GRIA1: variants seen among roughly 807,000 people sequenced by gnomAD.
GRIA1 encodes the protein glutamate receptor 1.
A neutral mutation model predicts 99.2 loss-of-function variants in GRIA1; 31 were observed. That is an observed-to-expected ratio of 0.31 (90% confidence interval 0.23 to 0.42). GRIA1 has a LOEUF of 0.42. Ranked by LOEUF, GRIA1 falls within the 10% of genes least tolerant of loss-of-function variation. GRIA1 has a pLI of 1.00. For synonymous variants in GRIA1, 438 were observed against 432.4 expected, an observed-to-expected ratio of 1.01 and a Z score of -0.16; for missense variants, 782 against 1,157.5, an observed-to-expected ratio of 0.68 and a Z score of 4.71.
intron 2 of GRIA1, among the ~76,000 whole-genome samples, chr5:153,534,344 AG>A (rs1014920311): frequency 8.5e-5 from 13 of 152,152 alleles, no homozygotes; most frequent in African/African-American, 3.1e-4. Context: ...CCCTCTGGGG[AG>A]AAGGAACTGT....
intron 11 of GRIA1, among the ~76,000 whole-genome samples, chr5:153,719,904 A>G (rs1759935247): frequency 6.6e-6 from 1 of 152,212 alleles, no homozygotes; most frequent in Middle Eastern, 3.2e-3. Flanking sequence ...TGGTGCTGAC[A>G]TGTAATAAGT....
intron 13 of GRIA1, among the ~76,000 whole-genome samples, chr5:153,787,373 G>A (rs1390301253): frequency 6.6e-6 from 1 of 152,024 alleles, no homozygotes; most frequent in Non-Finnish European, 1.5e-5. Flanking sequence ...GCCCTCTTGG[G>A]GACTAAATGC....
rs748389572 is a variant in GRIA1 at position 153,494,025 on chromosome 5, T to C, written c.180T>C (p.Asp60=). Residue 60 remains aspartate, a synonymous_variant, in exon 2 of 16, where the codon GAT becomes GAC. Coordinates refer to ENST00000285900, the MANE Select transcript of GRIA1 (RefSeq NM_000827.4). The part of the protein sequence containing the change: ...TEPPKLLPQI[D]IVNISDSFEM... ...CCCCGAAGCTGCTCCCCCAGATTGA[T>C]ATTGTGAACATCAGCGACAGCTTTG... 25 of 1,614,088 alleles carry C rather than the reference T, an allele frequency of 1.5e-5. No individual in the cohort carries two copies. The East Asian group carries it at 1.8e-4, about 12-fold the overall frequency.
chr5:153,776,131 G>C (rs13165311), intron 13 of GRIA1, among the ~76,000 whole-genome samples: 1 of 152,180 alleles, frequency 6.6e-6, no homozygotes, highest in East Asian at 1.9e-4. Context: ...ATACGCATCA[G>C]AGAGAGGAGG....
chr5:153,526,851 G>C (rs1391290979), intron 2 of GRIA1, among the ~76,000 whole-genome samples: 1 of 152,144 alleles, frequency 6.6e-6, no homozygotes. Context: ...CCACTTATCA[G>C]CTTCATGACT....
intron 2 of GRIA1, among the ~76,000 whole-genome samples, chr5:153,521,770 T>A (rs1204319418): frequency 6.6e-6 from 1 of 152,210 alleles, no homozygotes; most frequent in Non-Finnish European, 1.5e-5. Context: ...CTCTATGCAC[T>A]GTTGTGTGTC....
intron 13 of GRIA1, among the ~76,000 whole-genome samples, chr5:153,781,447 T>A (rs1764623025): frequency 6.6e-6 from 1 of 152,118 alleles, no homozygotes; most frequent in Admixed American, 6.5e-5. Context: ...TCACTTGTAT[T>A]GCTTCCTTCT....
chr5:153,499,965 C>G (rs970181396), intron 2 of GRIA1, among the ~76,000 whole-genome samples: 1 of 152,196 alleles, frequency 6.6e-6, no homozygotes, highest in Admixed American at 6.5e-5. Context: ...ACACTATGTT[C>G]TCAGCTCCAT....
intron 13 of GRIA1, among the ~76,000 whole-genome samples, chr5:153,785,570 TACAA>T (rs2149645625): frequency 6.6e-6 from 1 of 152,302 alleles, no homozygotes; most frequent in South Asian, 2.1e-4. Context: ...AGGAAACAAT[TACAA>T]ACAAAGGTCT....
chr5:153,674,148 G>A (rs1345890619), intron 5 of GRIA1, among the ~76,000 whole-genome samples: 2 of 152,178 alleles, frequency 1.3e-5, no homozygotes, highest in Admixed American at 1.3e-4. Context: ...TGATCACTTG[G>A]TCTGCCCCAT....
At chr5:153,604,664 C>A (rs1185040507) in intron 2 of GRIA1, among the ~76,000 whole-genome samples, 2 of 152,138 alleles carry the variant, frequency 1.3e-5, no homozygotes, top group South Asian at 2.1e-4. Context: ...TAGAACTTTA[C>A]CACCTAAGCA....
chr5:153,732,578 AT>A (rs200822025), intron 11 of GRIA1, among the ~76,000 whole-genome samples: 5 of 151,936 alleles, frequency 3.3e-5, no homozygotes, highest in African/African-American at 1.2e-4. Context: ...TTATTTGGGG[AT>A]TTTTTGCCAT....
chr5:153,645,124 A>G (rs1427737594), intron 2 of GRIA1, among the ~76,000 whole-genome samples: 2 of 152,140 alleles, frequency 1.3e-5, no homozygotes, highest in Non-Finnish European at 2.9e-5. Flanking sequence ...TGAAAACCAA[A>G]TGTCCTAAAG....
At chr5:153,588,454 G>A (rs1381719641) in intron 2 of GRIA1, among the ~76,000 whole-genome samples, 1 of 152,180 alleles carries the variant, frequency 6.6e-6, no homozygotes, top group Non-Finnish European at 1.5e-5. Flanking sequence ...CTGTAATTTA[G>A]CATCAACTAA....
At chr5:153,603,565 C>T (rs812389) in intron 2 of GRIA1, among the ~76,000 whole-genome samples, 103,391 of 151,962 alleles carry the variant, frequency 0.68, 35,640 homozygotes, top group East Asian at 0.79. Flanking sequence ...TATTGAGTGC[C>T]TAAGGTAGTA....
At chr5:153,595,710 A>G (rs1764369736) in intron 2 of GRIA1, among the ~76,000 whole-genome samples, 1 of 149,054 alleles carries the variant, frequency 6.7e-6, no homozygotes, top group Admixed American at 6.7e-5. Context: ...GTAAACCTTT[A>G]TCTAAAAAGC....
At chr5:153,749,083 C>T (rs759124327) in intron 11 of GRIA1, among the ~76,000 whole-genome samples, 4 of 152,208 alleles carry the variant, frequency 2.6e-5, no homozygotes, top group Admixed American at 6.5e-5. Context: ...AAACCAGCAA[C>T]GGAGACAACC....
chr5:153,661,584 T>C (rs1247254372), intron 5 of GRIA1, among the ~76,000 whole-genome samples: 5 of 152,158 alleles, frequency 3.3e-5, no homozygotes, highest in African/African-American at 7.2e-5. Flanking sequence ...AGAGGAAGGA[T>C]TGTGTGTGAC....
At chr5:153,766,510 G>A (rs1312241040) in intron 12 of GRIA1, among the ~76,000 whole-genome samples, 1 of 152,122 alleles carries the variant, frequency 6.6e-6, no homozygotes, top group Non-Finnish European at 1.5e-5. Flanking sequence ...GTGACCTCAG[G>A]CAGAAGAGGT....
Sources: allele counts gnomAD v4.1 joint callset (sites outside exome capture counted in the v4.1 genomes callset), GRCh38; gene constraint gnomAD v4.1.1; transcripts MANE v1.5; gene names NCBI Gene and HGNC (gene_info 2026-07-23, HGNC 2026-07-21).